The following SLC13A5 variants were observed in gnomAD, a reference collection of about 807,000 sequenced individuals.
SLC13A5 encodes the protein solute carrier family 13 member 5, also known as Na(+)/citrate cotransporter.
SLC13A5 carries 25 observed loss-of-function variants against 56.5 expected under a neutral mutation model. The observed-to-expected ratio is 0.44, with a 90% confidence interval of 0.32 to 0.62. The LOEUF is 0.62. Among genes scored for constraint, SLC13A5 ranks in the 20% least tolerant of loss-of-function variants. The pLI, the probability that SLC13A5 is intolerant of heterozygous loss-of-function variation, is 0.04. For missense variants in SLC13A5, 649 were observed against 737.8 expected, an observed-to-expected ratio of 0.88 and a Z score of 1.39; for synonymous variants, 307 against 301.5, an observed-to-expected ratio of 1.02 and a Z score of -0.19.
intron 1 of SLC13A5, among the ~76,000 whole-genome samples, chr17:6,712,217 C>G (rs372181850): frequency 1.1e-4 from 17 of 152,320 alleles, no homozygotes; most frequent in South Asian, 1.0e-3. Flanking sequence ...AGAGCTCCCC[C>G]CCAGAGCATC....
chr17:6,685,581 T>G lies in SLC13A5; in HGVS notation c.*626A>C. Reference sequence around the variant, plus strand: ...TGGCAAGCCAGGTGTCGTCCTGAAGTTGGCAACTCAGATTCCTCATCCTTT... The same window carrying G: ...TGGCAAGCCAGGTGTCGTCCTGAAGGTGGCAACTCAGATTCCTCATCCTTT... On this transcript the variant is annotated 3_prime_UTR_variant, in exon 12 of 12. Coordinates refer to ENST00000433363, the MANE Select transcript of SLC13A5 (RefSeq NM_177550.5). The surrounding 1 kb of genome is among the most constrained non-coding windows in gnomAD (Gnocchi z 4.2). 6.5e-6 allele frequency: 1 copy of G among 153,782 alleles called. No homozygotes were observed. Among genetic ancestry groups the G allele is most frequent in the Admixed American group, 6.4e-5 (1 of 15,638 alleles). The allele number at this position is 153,782 out of a possible 1,614,324, so 9.5% of individuals were successfully genotyped here. A position where few individuals can be genotyped will look rare whatever the true frequency, so the allele number is the denominator to read the frequency against.
At chr17:6,710,426 G>T (rs895376040) in intron 1 of SLC13A5, among the ~76,000 whole-genome samples, 2 of 152,062 alleles carry the variant, frequency 1.3e-5, no homozygotes, top group African/African-American at 4.8e-5. Context: ...CCCATATGGC[G>T]CACAAAGTCC....
At chr17:6,689,220 C>T (rs1045888911) in intron 10 of SLC13A5, 4 of 152,230 alleles carry the variant, frequency 2.6e-5, no homozygotes, top group Non-Finnish European at 5.9e-5. Flanking sequence ...GCAAGTCCCA[C>T]GCCCCCTGGG....
chr17:6,693,352 T>C, intron 8 of SLC13A5, 190 bp from the exon 9 acceptor site: 1 of 542,362 alleles, frequency 1.8e-6, no homozygotes, highest in Non-Finnish European at 3.2e-6. Flanking sequence ...ACATTGCTGG[T>C]GAGGATATGA....
In SLC13A5 at chr17:6,703,712, C is replaced by CT. The variant is rs76135761; in HGVS notation, c.547+165dup. Among the ~76,000 whole-genome samples, 38,510 of 152,110 alleles carry CT rather than the reference C, an allele frequency of 0.25. 5,647 individuals carry two copies. Among genetic ancestry groups the CT allele is most frequent in the East Asian group, 0.59 (3,036 of 5,168 alleles). On this transcript the variant is annotated intron_variant, in intron 4 of 11. Transcript: ENST00000433363. The stretch of plus-strand genomic sequence containing the variant: ...GATCTAAGTTGTGTGCAATAATCCC[C>CT]TCCTAAAACTTAGGACAACAGTATT...
rs1973447911 is a variant in SLC13A5 at position 6,692,857 on chromosome 17, T to C, written c.1275+187A>G. The C allele has an allele frequency of 1.7e-6, 1 of 594,758 alleles. No homozygotes were observed. The highest frequency in any genetic ancestry group is 1.9e-5 in the African/African-American group (1 of 53,864). The allele number at this position is 594,758 out of a possible 1,614,324, so 36.8% of individuals were successfully genotyped here. A position where few individuals can be genotyped will look rare whatever the true frequency, so the allele number is the denominator to read the frequency against. On this transcript the variant is annotated intron_variant, in intron 9 of 11. Coordinates refer to ENST00000433363, the MANE Select transcript of SLC13A5 (RefSeq NM_177550.5). The surrounding 1 kb of genome is among the most constrained non-coding windows in gnomAD (Gnocchi z 5.5). ...GCAATCGCTCAAAGGTTACTTTCTG[T>C]CTTCCAGGCCCTGTGTGTGGTGTAG...
chr17:6,687,522 G>C lies in SLC13A5; in HGVS notation c.1575+7C>G. 6.2e-7 allele frequency: 1 copy of C among 1,613,666 alleles called. No homozygotes were observed. The highest frequency in any genetic ancestry group is 1.1e-5 in the South Asian group (1 of 90,920). ...CCGACGGGAGTAAATAAAAACAGCT[G>C]TGTTACCATGTCAGCAACCTTGAGG... is the stretch of plus-strand genomic sequence containing the variant. On this transcript the variant is annotated splice_region_variant and intron_variant, in intron 11 of 11. Coordinates refer to ENST00000433363, the MANE Select transcript of SLC13A5 (RefSeq NM_177550.5). The surrounding 1 kb of genome is among the most constrained non-coding windows in gnomAD (Gnocchi z 5.0).
chr17:6,712,166 G>T (rs1009744234), intron 1 of SLC13A5, among the ~76,000 whole-genome samples: 2 of 152,230 alleles, frequency 1.3e-5, no homozygotes, highest in African/African-American at 4.8e-5. Context: ...CAGTTCTCTT[G>T]CAGGTTGGCT....
At chr17:6,691,008 G>C (rs942980280) in intron 9 of SLC13A5, 68 bp from the exon 10 acceptor site, 8 of 1,526,846 alleles carry the variant, frequency 5.2e-6, no homozygotes, top group Non-Finnish European at 7.0e-6. Flanking sequence ...GCCAGGGCAA[G>C]CTTGGCCCAT....
chr17:6,686,408 G>C lies in SLC13A5; in HGVS notation c.1576-70C>G, dbSNP rs1409990446. ...AGTGCTCTCAGAGAGGAGGACAAAG[G>C]GTCGGCTCACTGGGCCTCGATGTCC... On this transcript the variant is annotated intron_variant, in intron 11 of 11. Coordinates refer to ENST00000433363, the MANE Select transcript of SLC13A5 (RefSeq NM_177550.5). The C allele has an allele frequency of 1.4e-5, 22 of 1,600,766 alleles. No homozygotes were observed. The Admixed American group carries it at 3.7e-4, about 27-fold the overall frequency.
At chr17:6,699,688 C>T (rs1296779984) in intron 6 of SLC13A5, among the ~76,000 whole-genome samples, 4 of 150,904 alleles carry the variant, frequency 2.7e-5, no homozygotes, top group African/African-American at 9.8e-5. Context: ...CCAGGCTGGT[C>T]TCGAGCTCCT....
rs1302847582 is a variant in SLC13A5 at position 6,704,479 on chromosome 17, C to T, written c.369-423G>A. ...GGCAGCCCCAGCTTCCCACTTCTGG[C>T]TAGGAAATTCCCACCCACCCCCAAA... On this transcript the variant is annotated intron_variant, in intron 3 of 11. Coordinates refer to ENST00000433363, the MANE Select transcript of SLC13A5 (RefSeq NM_177550.5). 2.0e-5 allele frequency: 7 copies of T among 342,314 alleles called. No homozygotes were observed. In the East Asian group the frequency reaches 5.3e-4, roughly 26 times the overall value. The allele number at this position is 342,314 out of a possible 1,614,324, so 21.2% of individuals were successfully genotyped here. A position where few individuals can be genotyped will look rare whatever the true frequency, so the allele number is the denominator to read the frequency against.
intron 3 of SLC13A5, among the ~76,000 whole-genome samples, chr17:6,706,070 T>C (rs1190084718): frequency 6.6e-6 from 1 of 152,090 alleles, no homozygotes; most frequent in Admixed American, 6.5e-5. Context: ...ATGATCATGA[T>C]TGATTATGGT....
At chr17:6,707,299 G>A in intron 1 of SLC13A5, 143 bp from the exon 2 acceptor site, 3 of 1,141,846 alleles carry the variant, frequency 2.6e-6, no homozygotes, top group South Asian at 1.5e-5. Flanking sequence ...TTGTTCCCCA[G>A]CCCTGGTCAG....
Position 6,686,342 on chromosome 17 carries a change from G to C in SLC13A5, c.1576-4C>G, listed in dbSNP as rs1392358462. 6.2e-7 allele frequency: 1 copy of C among 1,614,048 alleles called. No individual in the cohort carries two copies. Among genetic ancestry groups the C allele is most frequent in the Non-Finnish European group, 8.5e-7 (1 of 1,179,962 alleles). ...TCATTATGACTCCTGTTTTCACCTG[G>C]AAAAGAGACAGAGTCAGCACCCTGA... On this transcript the variant is annotated splice_region_variant and splice_polypyrimidine_tract_variant and intron_variant, in intron 11 of 11. Coordinates refer to ENST00000433363, the MANE Select transcript of SLC13A5 (RefSeq NM_177550.5).
chr17:6,704,047 C>G lies in SLC13A5; in HGVS notation c.378G>C (p.Leu126=), dbSNP rs986709248. Residue 126 remains leucine (L), a synonymous_variant, in exon 4 of 12, where the codon CTG becomes CTC. Coordinates refer to ENST00000433363, the MANE Select transcript of SLC13A5 (RefSeq NM_177550.5). ...WVGAKPARLM[L]GFMGVTALLS... ...GGAGGGCTGTGACGCCCATGAAGCC[C>G]AGCATCAGCCTGCAGAGGAGGGGCA... 7 of 1,611,500 alleles carry G rather than the reference C, an allele frequency of 4.3e-6. No homozygotes were observed. Among genetic ancestry groups the G allele is most frequent in the African/African-American group, 1.3e-5 (1 of 75,000 alleles).
chr17:6,710,927 G>A (rs867659203), intron 1 of SLC13A5, among the ~76,000 whole-genome samples: 1 of 152,072 alleles, frequency 6.6e-6, no homozygotes, highest in Non-Finnish European at 1.5e-5. Flanking sequence ...AATAAAATAA[G>A]TGATACAAGA....
intron 1 of SLC13A5, among the ~76,000 whole-genome samples, chr17:6,708,271 G>A (rs1432670028): frequency 6.6e-6 from 1 of 152,164 alleles, no homozygotes; most frequent in Non-Finnish European, 1.5e-5. Flanking sequence ...CCCAACCTCA[G>A]AGTTCCTTCT....
chr17:6,713,224 C>G lies in SLC13A5; in HGVS notation c.102+8G>C, dbSNP rs765725969. 8.1e-6 allele frequency: 13 copies of G among 1,613,500 alleles called. No homozygotes were observed. Among genetic ancestry groups the G allele is most frequent in the Non-Finnish European group, 9.3e-6 (11 of 1,179,710 alleles). ...GTGTCCGAAGGGCTGCCTGGAGATG[C>G]AACTGACCTTGGCGGGCATCAGAAT... On this transcript the variant is annotated splice_region_variant and intron_variant, in intron 1 of 11. Coordinates refer to ENST00000433363, the MANE Select transcript of SLC13A5 (RefSeq NM_177550.5). This position sits in a 1 kb window ranked among gnomAD's most constrained non-coding sequence, Gnocchi z 7.3.
Sources: allele counts gnomAD v4.1 joint callset (sites outside exome capture counted in the v4.1 genomes callset), GRCh38; gene constraint gnomAD v4.1.1; non-coding constraint Gnocchi (gnomAD v3.1); transcripts MANE v1.5; gene names NCBI Gene and HGNC (gene_info 2026-07-23, HGNC 2026-07-21).